The following ZNF430 variants were observed in gnomAD, a reference collection of about 807,000 sequenced individuals.
ZNF430 encodes the protein zinc finger protein 430.
ZNF430 carries 35 observed loss-of-function variants against 56.7 expected under a neutral mutation model. The ratio of observed to expected loss-of-function variants is 0.62; its 90% CI spans 0.47 to 0.82. ZNF430 has a LOEUF of 0.82. Among genes scored for constraint, ZNF430 ranks in the 40% least tolerant of loss-of-function variants. The pLI is 0.00. For missense variants in ZNF430, 574 were observed against 661.0 expected, an observed-to-expected ratio of 0.87 and a Z score of 1.44; for synonymous variants, 212 against 224.3, an observed-to-expected ratio of 0.94 and a Z score of 0.49.
chr19:21,021,289 G>T (rs2144743573), intron 1 of ZNF430, among the ~76,000 whole-genome samples: 1 of 152,178 alleles, frequency 6.6e-6, no homozygotes, highest in African/African-American at 2.4e-5. Flanking sequence ...ACTAAGTCAG[G>T]AGAGTTCAAG....
In ZNF430 at chr19:21,056,842, A is replaced by C. The variant is rs370609116; in HGVS notation, c.534A>C (p.Gln178His). Residue 178 changes from glutamine to histidine, a missense_variant, in exon 5 of 5, where the codon CAA becomes CAC. Around this residue, in one of 3 missense-constraint regions of ZNF430, gnomAD observed 346 missense variants for 399.1 expected, o/e 0.87. Transcript: ENST00000261560. ...CLTTTQSEIF[Q>H]YDKYVNVFYK... ...CAACTACCCAGAGTGAAATATTTCA[A>C]TATGATAAATATGTGAATGTCTTTT... 6.2e-6 allele frequency: 10 copies of C among 1,612,086 alleles called. 1 individual carries two copies. The South Asian group carries it at 9.9e-5, about 16-fold the overall frequency.
At chr19:21,046,644 G>A (rs1007899651) in intron 4 of ZNF430, among the ~76,000 whole-genome samples, 1 of 152,136 alleles carries the variant, frequency 6.6e-6, no homozygotes, top group Non-Finnish European at 1.5e-5. Flanking sequence ...TTTTCTTTAA[G>A]AATGTTGAGT....
intron 4 of ZNF430, among the ~76,000 whole-genome samples, chr19:21,046,448 T>C (rs778706109): frequency 5.9e-5 from 9 of 152,220 alleles, no homozygotes; most frequent in Non-Finnish European, 1.3e-4. Flanking sequence ...GTCTTTGTAC[T>C]TCAGTGTGTT....
At chr19:21,056,487 T>TAAAA in intron 4 of ZNF430, 144 bp from the exon 5 acceptor site, 12 of 466,514 alleles carry the variant, frequency 2.6e-5, no homozygotes, top group South Asian at 5.4e-5. Context: ...AGACTCTGTC[T>TAAAA]AAAAAAAAAA....
At chr19:21,030,242 G>A (rs1236492853) in intron 2 of ZNF430, among the ~76,000 whole-genome samples, 1 of 151,888 alleles carries the variant, frequency 6.6e-6, no homozygotes, top group Non-Finnish European at 1.5e-5. Context: ...CTTTTTCTAT[G>A]TTCTTCTCAT....
At chr19:21,053,410 T>G (rs1221364478) in intron 4 of ZNF430, 1 of 152,188 alleles carries the variant, frequency 6.6e-6, no homozygotes, top group Non-Finnish European at 1.5e-5. Flanking sequence ...TTTATTTATT[T>G]TGATACAAAG....
chr19:21,048,164 C>CTTTTTTTTTTTTT (rs536496163), intron 4 of ZNF430, among the ~76,000 whole-genome samples: 5 of 59,814 alleles, frequency 8.4e-5, no homozygotes, highest in South Asian at 1.2e-3. Context: ...CATAAAACAT[C>CTTTTTTTTTTTTT]TTTTTTTTTT....
chr19:21,047,383 T>TA (rs1472440516), intron 4 of ZNF430, among the ~76,000 whole-genome samples: 2 of 152,242 alleles, frequency 1.3e-5, no homozygotes, highest in Non-Finnish European at 2.9e-5. Flanking sequence ...TTCCTGGAGA[T>TA]ATGCTGGGAT....
Position 21,057,829 on chromosome 19 carries a change from T to A in ZNF430, c.1521T>A (p.His507Gln). 6.2e-7 allele frequency: 1 copy of A among 1,613,966 alleles called. No homozygotes were observed. Among genetic ancestry groups the A allele is most frequent in the Non-Finnish European group, 8.5e-7 (1 of 1,179,964 alleles). ...ACCTTACTAAACATAAGATAACTCA[T>A]ATTGGAGATACATCTTACAAATACC... ...FSNLTKHKIT[H>Q]IGDTSYKYLE... The change falls in exon 5 of 5, where the codon CAT becomes CAA. Residue 507 changes from histidine (H) to glutamine (Q), a missense_variant. Coordinates refer to ENST00000261560, the MANE Select transcript of ZNF430 (RefSeq NM_025189.4).
rs370482092 is a variant in ZNF430, at chr19:21,045,013, C to A, written c.322+10829C>A. 3.3e-5 allele frequency among the ~76,000 whole-genome samples: 5 copies of A among 151,308 alleles called. No individual in the cohort carries two copies. In the East Asian group the frequency reaches 5.8e-4, roughly 18 times the overall value. ...TAGTGTTCTATTTTATTAATGTTTT[C>A]AAAAAAAATAGCTCCTGGATTTATT... On this transcript the variant is annotated intron_variant, in intron 4 of 4. Transcript: ENST00000261560.
At chr19:21,020,890 C>T in intron 1 of ZNF430, 87 bp downstream of exon 1, 1 of 1,568,316 alleles carries the variant, frequency 6.4e-7, no homozygotes, top group South Asian at 1.1e-5. Flanking sequence ...TCAGGCCTCC[C>T]GGCAGTCAGC....
At chr19:21,024,695 G>T (rs929487089) in intron 2 of ZNF430, among the ~76,000 whole-genome samples, 1 of 151,968 alleles carries the variant, frequency 6.6e-6, no homozygotes, top group African/African-American at 2.4e-5. Flanking sequence ...CAGGAGAATG[G>T]CGTAAACCCA....
rs1029431651 is a variant in ZNF430 at position 21,058,956 on chromosome 19, T to G, written c.*935T>G. 2 of 152,192 alleles carry G rather than the reference T, an allele frequency of 1.3e-5. No homozygotes were observed. The highest frequency in any genetic ancestry group is 2.9e-5 in the Non-Finnish European group (2 of 68,036). The allele number at this position is 152,192 out of a possible 1,614,324, so 9.4% of individuals were successfully genotyped here. A position where few individuals can be genotyped will look rare whatever the true frequency, so the allele number is the denominator to read the frequency against. On this transcript the variant is annotated 3_prime_UTR_variant, in exon 5 of 5. Transcript: ENST00000261560. ...GTATCACAGATTTTATTGTACACAT[T>G]TTGTACTAGAAGAAAACTCTGAAGT...
At chr19:21,026,708 G>C (rs778988590) in intron 2 of ZNF430, among the ~76,000 whole-genome samples, 22 of 151,378 alleles carry the variant, frequency 1.5e-4, no homozygotes, top group Non-Finnish European at 2.4e-4. Flanking sequence ...TTGTTTATTA[G>C]TTTAAAGAGC....
intron 4 of ZNF430, among the ~76,000 whole-genome samples, chr19:21,052,503 A>C (rs1457364924): frequency 6.6e-6 from 1 of 152,204 alleles, no homozygotes; most frequent in Admixed American, 6.5e-5. Flanking sequence ...TTAATGTAAG[A>C]TACAAACACA....
chr19:21,043,187 C>A (rs1266578926), intron 4 of ZNF430, among the ~76,000 whole-genome samples: 1 of 152,136 alleles, frequency 6.6e-6, no homozygotes, highest in Non-Finnish European at 1.5e-5. Context: ...ATGATGAAAT[C>A]TTTGTCCATG....
chr19:21,042,894 T>C (rs1434583344), intron 4 of ZNF430, among the ~76,000 whole-genome samples: 1 of 152,192 alleles, frequency 6.6e-6, no homozygotes, highest in African/African-American at 2.4e-5. Flanking sequence ...GATGTTGAGC[T>C]TTGTTTGTTT....
intron 4 of ZNF430, among the ~76,000 whole-genome samples, chr19:21,037,543 A>C (rs952608262): frequency 2.6e-5 from 4 of 152,218 alleles, no homozygotes; most frequent in African/African-American, 9.6e-5. Context: ...TAGTACAATA[A>C]ACATGGATGT....
At chr19:21,039,119 T>G (rs1275643189) in intron 4 of ZNF430, among the ~76,000 whole-genome samples, 1 of 151,956 alleles carries the variant, frequency 6.6e-6, no homozygotes, top group Non-Finnish European at 1.5e-5. Flanking sequence ...CTGGCTAACT[T>G]TTGTATTTTT....
Sources: allele counts gnomAD v4.1 joint callset (sites outside exome capture counted in the v4.1 genomes callset), GRCh38; gene constraint gnomAD v4.1.1; regional missense constraint gnomAD v4.1.1; transcripts MANE v1.5; gene names NCBI Gene and HGNC (gene_info 2026-07-23, HGNC 2026-07-21).